CLASP1: variants seen among roughly 807,000 people sequenced by gnomAD.
CLASP1 encodes the protein cytoplasmic linker associated protein 1.
A neutral mutation model predicts 192.3 loss-of-function variants in CLASP1; 38 were observed. The observed-to-expected ratio is 0.20, with a 90% CI of 0.15 to 0.26. The LOEUF (loss-of-function observed/expected upper bound fraction) is 0.26. Ranked by LOEUF, CLASP1 falls within the 10% of genes least tolerant of loss-of-function variation. CLASP1 has a pLI of 1.00. For synonymous variants in CLASP1, 691 were observed against 712.8 expected (o/e 0.97, Z 0.49); for missense variants, 1,433 against 1,932.5 (o/e 0.74, Z 4.85).
rs1024517719 is a variant in CLASP1, at chr2:121,469,338, C to T, written c.865+470G>A. Among the ~76,000 whole-genome samples the T allele has an allele frequency of 1.1e-4, 17 of 152,134 alleles. No homozygotes were observed. In the South Asian group the frequency reaches 1.5e-3, roughly 13 times the overall value. ...ACCACCCACAGCACGACCCTGCATG[C>T]GGAGTATACACACATGCCCCAATAC... is the stretch of plus-strand genomic sequence containing the variant. On this transcript the variant is annotated intron_variant, in intron 9 of 39. Coordinates refer to ENST00000263710, the Ensembl canonical transcript of CLASP1.
chr2:121,356,040 T>C (rs1247900257), intron 37 of CLASP1, among the ~76,000 whole-genome samples: 1 of 152,222 alleles, frequency 6.6e-6, no homozygotes, highest in African/African-American at 2.4e-5. Context: ...TGCTTAAAGG[T>C]TTCTTTTAGC....
chr2:121,387,973 G>A, intron 30 of CLASP1, 67 bp from the exon 32 acceptor site: 1 of 1,217,840 alleles, frequency 8.2e-7, no homozygotes, highest in Non-Finnish European at 1.1e-6. Flanking sequence ...GATTAAAGTT[G>A]TTTAAAAAAA....
intron 23 of CLASP1, among the ~76,000 whole-genome samples, 91 bp from the exon 24 acceptor site, chr2:121,414,294 G>C (rs967187394): frequency 6.6e-6 from 1 of 152,188 alleles, no homozygotes; most frequent in Non-Finnish European, 1.5e-5. Context: ...TGCAGAGACT[G>C]CTACCAACAA....
intron 2 of CLASP1, among the ~76,000 whole-genome samples, chr2:121,568,849 G>C (rs1443623731): frequency 6.6e-6 from 1 of 152,008 alleles, no homozygotes; most frequent in East Asian, 1.9e-4. Context: ...CTGAGACACT[G>C]GGGAGACAAA....
At chr2:121,592,166 C>T (rs1223351360) in intron 2 of CLASP1, among the ~76,000 whole-genome samples, 1 of 152,252 alleles carries the variant, frequency 6.6e-6, no homozygotes. Context: ...CACTTATACT[C>T]AGATTGTGTC....
intron 2 of CLASP1, among the ~76,000 whole-genome samples, chr2:121,600,427 G>A (rs552315137): frequency 2.6e-5 from 4 of 152,270 alleles, no homozygotes; most frequent in Admixed American, 6.5e-5. Flanking sequence ...GCAAGTTAGT[G>A]GTAAACCCCA....
At chr2:121,401,792 C>A (rs1248570323) in intron 27 of CLASP1, 76 bp downstream of exon 28, 1 of 823,768 alleles carries the variant, frequency 1.2e-6, no homozygotes, top group African/African-American at 1.7e-5. Flanking sequence ...TAGGTTAACA[C>A]TGTTAACAAC....
chr2:121,613,295 T>A (rs554310544), intron 1 of CLASP1, among the ~76,000 whole-genome samples: 1 of 152,208 alleles, frequency 6.6e-6, no homozygotes, highest in South Asian at 2.1e-4. Context: ...TGTCACATCA[T>A]CTTGGTCCAC....
At chr2:121,538,014 T>C (rs1379821212) in intron 2 of CLASP1, among the ~76,000 whole-genome samples, 1 of 152,216 alleles carries the variant, frequency 6.6e-6, no homozygotes, top group Non-Finnish European at 1.5e-5. Context: ...AATGATGAAA[T>C]GCTGAAAGCT....
chr2:121,474,553 G>A (rs558044184), intron 8 of CLASP1, among the ~76,000 whole-genome samples: 10 of 152,198 alleles, frequency 6.6e-5, no homozygotes, highest in East Asian at 3.9e-4. Flanking sequence ...TGGCTAACAC[G>A]GTGAAACCCC....
chr2:121,407,916 G>A (rs1389408529), intron 24 of CLASP1: 13 of 724,870 alleles, frequency 1.8e-5, no homozygotes, highest in South Asian at 4.2e-5. Flanking sequence ...AAAGCACTCT[G>A]TAGTAGAAGG....
At chr2:121,472,018 G>T (rs1043246514) in intron 8 of CLASP1, among the ~76,000 whole-genome samples, 1 of 152,148 alleles carries the variant, frequency 6.6e-6, no homozygotes, top group African/African-American at 2.4e-5. Context: ...CCTCTGGGGA[G>T]CTCCAAGAAC....
At chr2:121,401,992 G>C in intron 26 of CLASP1, 122 bp from the exon 28 acceptor site, 1 of 469,786 alleles carries the variant, frequency 2.1e-6, no homozygotes, top group Non-Finnish European at 4.2e-6. Context: ...ACAAACCAAT[G>C]AAATATTCTC....
chr2:121,450,248 G>A (rs950893817), intron 16 of CLASP1, among the ~76,000 whole-genome samples: 4 of 151,860 alleles, frequency 2.6e-5, no homozygotes, highest in African/African-American at 7.2e-5. Context: ...GGAGAATGAC[G>A]AGAACCTGGG....
chr2:121,467,278 A>G (rs546483802), intron 9 of CLASP1, among the ~76,000 whole-genome samples: 38 of 152,328 alleles, frequency 2.5e-4, no homozygotes, highest in Admixed American at 1.8e-3. Context: ...ATATGCATAC[A>G]TGTATCTTTA....
At chr2:121,388,234 A>G (rs755468950) in intron 30 of CLASP1, among the ~76,000 whole-genome samples, 2 of 152,238 alleles carry the variant, frequency 1.3e-5, no homozygotes, top group Non-Finnish European at 2.9e-5. Flanking sequence ...AAAAAATTTT[A>G]AAAAGTTTAA....
intron 8 of CLASP1, among the ~76,000 whole-genome samples, chr2:121,472,717 C>A (rs1281160415): frequency 6.6e-6 from 1 of 152,084 alleles, no homozygotes; most frequent in East Asian, 1.9e-4. Flanking sequence ...GGAAGCAAGG[C>A]AGAAAACAAC....
rs114502369 is a variant in CLASP1 at position 121,471,560 on chromosome 2, T to C, written c.713-1600A>G. ...ATCCTGTTTTCCTTGATCTAGTTGC[T>C]TCTTAAGCTAAATTATCAACAGCCA... is the stretch of plus-strand genomic sequence containing the variant. On this transcript the variant is annotated intron_variant, in intron 8 of 39. Transcript: ENST00000263710. Among the ~76,000 whole-genome samples the C allele has an allele frequency of 2.8e-3, 420 of 152,152 alleles. 1 individual carries two copies. Among genetic ancestry groups the C allele is most frequent in the Admixed American group, 5.1e-3 (78 of 15,258 alleles).
chr2:121,373,820 TA>T (rs1469320085), intron 34 of CLASP1, among the ~76,000 whole-genome samples: 1 of 152,222 alleles, frequency 6.6e-6, no homozygotes, highest in African/African-American at 2.4e-5. Flanking sequence ...TGGCTGCTTC[TA>T]AAAGCCTCTG....
Sources: allele counts gnomAD v4.1 joint callset (sites outside exome capture counted in the v4.1 genomes callset), GRCh38; gene constraint gnomAD v4.1.1; transcripts MANE v1.5; gene names NCBI Gene and HGNC (gene_info 2026-07-23, HGNC 2026-07-21).